ANKRD6: variants seen among roughly 807,000 people sequenced by gnomAD.
ANKRD6 encodes ankyrin repeat domain-containing protein 6.
Under a neutral mutation model 82.3 loss-of-function variants are expected in ANKRD6, and 56 were observed. The ratio of observed to expected loss-of-function variants is 0.68; its 90% CI spans 0.55 to 0.85. The LOEUF (loss-of-function observed/expected upper bound fraction) is 0.85. ANKRD6 is among the 40% of genes least tolerant of loss of function. ANKRD6 has a pLI of 0.00. For synonymous variants in ANKRD6, 347 were observed against 352.1 expected (o/e 0.99, Z 0.16); for missense variants, 852 against 907.6 (o/e 0.94, Z 0.79).
intron 1 of ANKRD6, among the ~76,000 whole-genome samples, chr6:89,434,973 A>C (rs1404254569): frequency 6.6e-6 from 1 of 152,174 alleles, no homozygotes; most frequent in Non-Finnish European, 1.5e-5. Context: ...AACCAATGGT[A>C]ATTTTTAAAA....
chr6:89,614,603 G>T (rs1801043459), intron 7 of ANKRD6, among the ~76,000 whole-genome samples: 1 of 152,140 alleles, frequency 6.6e-6, no homozygotes, highest in Admixed American at 6.5e-5. Flanking sequence ...CCGAGATCAT[G>T]CTACTGTACT....
chr6:89,439,904 C>A (rs959947421), intron 1 of ANKRD6, among the ~76,000 whole-genome samples: 1 of 152,078 alleles, frequency 6.6e-6, no homozygotes, highest in Non-Finnish European at 1.5e-5. Flanking sequence ...ACCATGTTAG[C>A]CAGGCTGCTC....
intron 9 of ANKRD6, among the ~76,000 whole-genome samples, chr6:89,618,950 G>A (rs1443581241): frequency 6.6e-6 from 1 of 152,160 alleles, no homozygotes; most frequent in African/African-American, 2.4e-5. Flanking sequence ...TCTGCAAGAA[G>A]AAGATAAAGT....
chr6:89,547,265 G>A (rs1785220233), intron 1 of ANKRD6, among the ~76,000 whole-genome samples: 1 of 152,160 alleles, frequency 6.6e-6, no homozygotes, highest in South Asian at 2.1e-4. Context: ...GGTTAATCTG[G>A]CAAGGGTTGG....
chr6:89,447,450 GA>G (rs1772231037), intron 1 of ANKRD6, among the ~76,000 whole-genome samples: 2 of 152,212 alleles, frequency 1.3e-5, no homozygotes, highest in Admixed American at 1.3e-4. Flanking sequence ...AGAGAGGTGG[GA>G]AGCTGCAGAA....
chr6:89,448,077 C>A (rs1457813553), intron 1 of ANKRD6, among the ~76,000 whole-genome samples: 1 of 152,088 alleles, frequency 6.6e-6, no homozygotes, highest in Non-Finnish European at 1.5e-5. Context: ...GCTAATGCAA[C>A]TGATGACTTT....
intron 1 of ANKRD6, among the ~76,000 whole-genome samples, chr6:89,475,517 G>C (rs562984289): frequency 6.6e-6 from 1 of 152,184 alleles, no homozygotes; most frequent in Non-Finnish European, 1.5e-5. Flanking sequence ...ATTTCTGGTT[G>C]ATTGCCAAAA....
chr6:89,524,669 G>A (rs920047338), intron 1 of ANKRD6, among the ~76,000 whole-genome samples: 4 of 152,104 alleles, frequency 2.6e-5, no homozygotes, highest in African/African-American at 9.7e-5. Flanking sequence ...TTGCAGTTGC[G>A]AGTTGTGGGG....
chr6:89,623,964 C>G lies in ANKRD6; in HGVS notation c.1125C>G (p.Asn375Lys), dbSNP rs954642296. 6 of 1,613,868 alleles carry G rather than the reference C, an allele frequency of 3.7e-6. No individual in the cohort carries two copies. The highest frequency in any genetic ancestry group is 2.2e-5 in the East Asian group (1 of 44,870). Residue 375 changes from asparagine to lysine, a missense_variant, in exon 12 of 16, where the codon AAC becomes AAG. Transcript: ENST00000339746. ...CTCATAATCACCCTAAAAAGAGGAA[C>G]AGGCATCGGTGTTCATCCCCACCCC... ...LHAHNHPKKR[N>K]RHRCSSPPPP...
At chr6:89,558,563 T>A (rs1050943727) in intron 1 of ANKRD6, among the ~76,000 whole-genome samples, 3 of 152,084 alleles carry the variant, frequency 2.0e-5, no homozygotes, top group Non-Finnish European at 4.4e-5. Context: ...TGCCGGGAGC[T>A]TTGGGGCAAG....
chr6:89,607,448 C>A (rs1583698300), intron 5 of ANKRD6, among the ~76,000 whole-genome samples: 1 of 152,134 alleles, frequency 6.6e-6, no homozygotes, highest in South Asian at 2.1e-4. Flanking sequence ...TAAAGAACAT[C>A]ACAAAGAGAT....
chr6:89,615,313 G>T (rs1184890185), intron 7 of ANKRD6, among the ~76,000 whole-genome samples: 3 of 152,154 alleles, frequency 2.0e-5, no homozygotes, highest in Non-Finnish European at 2.9e-5. Flanking sequence ...TGGGGGTGAG[G>T]TCCAGGCAAT....
chr6:89,459,852 G>A (rs1202157812), intron 1 of ANKRD6, among the ~76,000 whole-genome samples: 3 of 151,914 alleles, frequency 2.0e-5, no homozygotes, highest in African/African-American at 7.3e-5. Context: ...AGACGTATCA[G>A]GCTCTATCTT....
At chr6:89,578,003 T>TA (rs1487236606) in intron 2 of ANKRD6, among the ~76,000 whole-genome samples, 1 of 152,200 alleles carries the variant, frequency 6.6e-6, no homozygotes, top group Non-Finnish European at 1.5e-5. Flanking sequence ...GGAATTTAGA[T>TA]AATTAAGCAC....
At chr6:89,484,721 T>C (rs903635467) in intron 1 of ANKRD6, among the ~76,000 whole-genome samples, 3 of 152,300 alleles carry the variant, frequency 2.0e-5, no homozygotes, top group Middle Eastern at 3.4e-3. Context: ...CATTCCAGAA[T>C]ACCCATAATG....
chr6:89,587,307 G>C (rs1793952902), intron 2 of ANKRD6, among the ~76,000 whole-genome samples: 1 of 151,824 alleles, frequency 6.6e-6, no homozygotes, highest in Admixed American at 6.6e-5. Context: ...TGGCCAAAAT[G>C]GTGAAACCCT....
At chr6:89,439,304 T>A (rs924289980) in intron 1 of ANKRD6, among the ~76,000 whole-genome samples, 1 of 152,190 alleles carries the variant, frequency 6.6e-6, no homozygotes, top group Non-Finnish European at 1.5e-5. Context: ...TACTTTAGGC[T>A]GCTGGCAATA....
intron 2 of ANKRD6, among the ~76,000 whole-genome samples, chr6:89,582,510 CT>C (rs1284081014): frequency 6.6e-6 from 1 of 152,170 alleles, no homozygotes; most frequent in Non-Finnish European, 1.5e-5. Flanking sequence ...TTATTTTCAA[CT>C]GTTCAATCCA....
At chr6:89,465,844 C>G in intron 1 of ANKRD6, among the ~76,000 whole-genome samples, 1 of 151,880 alleles carries the variant, frequency 6.6e-6, no homozygotes. Context: ...GCTTGGGTGA[C>G]AGAGTGAGAC....
Sources: gnomAD v4.1 joint callset for allele counts (sites outside exome capture counted in the v4.1 genomes callset) on GRCh38, gnomAD v4.1.1 for gene constraint, MANE v1.5 for transcripts, NCBI Gene and HGNC (gene_info 2026-07-23, HGNC 2026-07-21) for gene names.